Variants in AK8 observed in about 807,000 individuals in gnomAD.
AK8 encodes the protein ATP-AMP transphosphorylase 8.
AK8 carries 44 observed loss-of-function variants against 54.6 expected under a neutral mutation model. The ratio of observed to expected loss-of-function variants is 0.81; its 90% confidence interval spans 0.63 to 1.04. AK8 has a LOEUF of 1.04. Ranked by LOEUF, AK8 falls within the 50% of genes least tolerant of loss-of-function variation. AK8 has a pLI of 0.00. For synonymous variants in AK8, 239 were observed against 245.6 expected, an observed-to-expected ratio of 0.97 and a Z score of 0.25; for missense variants, 555 against 613.6, an observed-to-expected ratio of 0.90 and a Z score of 1.01.
intron 10 of AK8, among the ~76,000 whole-genome samples, chr9:132,809,301 C>A (rs1353615289): frequency 1.3e-5 from 2 of 152,190 alleles, no homozygotes; most frequent in African/African-American, 4.8e-5. Context: ...GGGGATACAG[C>A]AGCATGTCCT....
rs1840588704 is a variant in AK8, at chr9:132,803,942, C to T, written c.979+10696G>A. Among the ~76,000 whole-genome samples the T allele has an allele frequency of 1.3e-5, 2 of 151,886 alleles. No homozygotes were observed. Among genetic ancestry groups the T allele is most frequent in the Admixed American group, 1.3e-4 (2 of 15,240 alleles). On this transcript the variant is annotated intron_variant, in intron 10 of 12. Transcript: ENST00000298545. This position sits in a 1 kb window ranked among gnomAD's most constrained non-coding sequence, Gnocchi z 4.4. ...CCAATATGGTGAAACCCCATCTCTA[C>T]TAAAAATACAAAAATTAGCCGGGCG...
chr9:132,829,818 G>C (rs1440054935), intron 5 of AK8, among the ~76,000 whole-genome samples: 1 of 152,146 alleles, frequency 6.6e-6, no homozygotes, highest in Admixed American at 6.5e-5. Context: ...AGCCTCCCTA[G>C]TGCTGGGATT....
At chr9:132,847,921 G>A (rs1172484486) in intron 5 of AK8, among the ~76,000 whole-genome samples, 1 of 151,900 alleles carries the variant, frequency 6.6e-6, no homozygotes, top group Non-Finnish European at 1.5e-5. Context: ...AGATCAGCCT[G>A]GGCAACATTG....
intron 4 of AK8, among the ~76,000 whole-genome samples, chr9:132,858,760 G>A (rs893153155): frequency 6.6e-6 from 1 of 152,182 alleles, no homozygotes; most frequent in Non-Finnish European, 1.5e-5. Flanking sequence ...GAGTTTGGGA[G>A]GGGGAGACAG....
rs187869761 is a variant in AK8 at position 132,803,511 on chromosome 9, C to T, written c.980-10736G>A. ...AATCATGGTGAGTAATCAGTGATTA[C>T]AACCAGTGACCATAGTAAGTAATTA... On this transcript the variant is annotated intron_variant, in intron 10 of 12. Coordinates refer to ENST00000298545, the MANE Select transcript of AK8 (RefSeq NM_152572.3). This position sits in a 1 kb window ranked among gnomAD's most constrained non-coding sequence, Gnocchi z 4.4. Among the ~76,000 whole-genome samples, 2 of 152,236 alleles carry T rather than the reference C, an allele frequency of 1.3e-5. No individual in the cohort carries two copies. The highest frequency in any genetic ancestry group is 1.3e-4 in the Admixed American group (2 of 15,302).
At chr9:132,842,774 AC>A (rs1171933077) in intron 5 of AK8, among the ~76,000 whole-genome samples, 2 of 152,090 alleles carry the variant, frequency 1.3e-5, no homozygotes, top group Non-Finnish European at 2.9e-5. Flanking sequence ...CTGAGGGAGA[AC>A]CCTCTTCCCA....
intron 11 of AK8, among the ~76,000 whole-genome samples, chr9:132,730,116 C>A (rs998696882): frequency 2.6e-5 from 4 of 152,198 alleles, no homozygotes; most frequent in Admixed American, 1.3e-4. Flanking sequence ...CTATGGGTGC[C>A]AAGCTGACAA....
intron 11 of AK8, among the ~76,000 whole-genome samples, chr9:132,756,580 C>A (rs1163062810): frequency 6.6e-6 from 1 of 152,188 alleles, no homozygotes; most frequent in Non-Finnish European, 1.5e-5. Context: ...CTGCCGGGGG[C>A]CACACTCCGA....
intron 11 of AK8, among the ~76,000 whole-genome samples, chr9:132,778,572 C>T (rs990591148): frequency 1.3e-5 from 2 of 152,180 alleles, no homozygotes; most frequent in African/African-American, 2.4e-5. Context: ...TAAGAAATTA[C>T]AGCATCCTTC....
chr9:132,878,141 A>G lies in AK8; in HGVS notation c.84+31T>C. 1 of 1,535,350 alleles carries G rather than the reference A, an allele frequency of 6.5e-7. No individual in the cohort carries two copies. Among genetic ancestry groups the G allele is most frequent in the South Asian group, 1.2e-5 (1 of 81,018 alleles). ...CAGTGGAGGCTCCCGAGCCGCCGCCAGCGTCGCGACGGGCAGGGGTGTCCG... is the reference window on the plus strand; with the variant it reads ...CAGTGGAGGCTCCCGAGCCGCCGCCGGCGTCGCGACGGGCAGGGGTGTCCG... On this transcript the variant is annotated intron_variant, in intron 1 of 12. Transcript: ENST00000298545. The surrounding 1 kb of genome is among the most constrained non-coding windows in gnomAD (Gnocchi z 4.7).
At chr9:132,856,276 G>A (rs992590458) in intron 4 of AK8, among the ~76,000 whole-genome samples, 4 of 152,160 alleles carry the variant, frequency 2.6e-5, no homozygotes, top group African/African-American at 4.8e-5. Flanking sequence ...GCAGAGACTC[G>A]GACTTGGCAT....
At chr9:132,873,260 G>C (rs1843935672) in intron 2 of AK8, among the ~76,000 whole-genome samples, 1 of 152,240 alleles carries the variant, frequency 6.6e-6, no homozygotes, top group Non-Finnish European at 1.5e-5. Flanking sequence ...ATGCATCAGG[G>C]ATTTCCCATT....
At chr9:132,756,921 C>T (rs911755453) in intron 11 of AK8, among the ~76,000 whole-genome samples, 3 of 152,150 alleles carry the variant, frequency 2.0e-5, no homozygotes, top group Non-Finnish European at 4.4e-5. Flanking sequence ...AACTACTCCA[C>T]AACTAAATGT....
chr9:132,779,837 T>C (rs188647819), intron 11 of AK8, among the ~76,000 whole-genome samples: 37 of 152,164 alleles, frequency 2.4e-4, no homozygotes, highest in East Asian at 1.9e-3. Flanking sequence ...GAGCAAAGAG[T>C]TGGGTTCAGG....
At chr9:132,750,345 C>T (rs1465920962) in intron 11 of AK8, among the ~76,000 whole-genome samples, 1 of 151,922 alleles carries the variant, frequency 6.6e-6, no homozygotes, top group Non-Finnish European at 1.5e-5. Context: ...TGTCCAAATC[C>T]TGACCTCAAG....
intron 10 of AK8, among the ~76,000 whole-genome samples, chr9:132,802,397 A>C (rs1010259540): frequency 1.3e-5 from 2 of 152,216 alleles, no homozygotes; most frequent in Non-Finnish European, 2.9e-5. Flanking sequence ...GAACAGATTC[A>C]GACAGAAGTG....
intron 3 of AK8, among the ~76,000 whole-genome samples, chr9:132,865,422 G>A (rs1228448674): frequency 6.6e-6 from 1 of 152,228 alleles, no homozygotes; most frequent in Non-Finnish European, 1.5e-5. Flanking sequence ...CAGCAATGAT[G>A]TGGTCACAGA....
At chr9:132,849,533 A>G (rs1455970171) in intron 5 of AK8, among the ~76,000 whole-genome samples, 1 of 152,190 alleles carries the variant, frequency 6.6e-6, no homozygotes, top group Non-Finnish European at 1.5e-5. Context: ...GGCTCTGGAT[A>G]TCTGCCCACA....
intron 5 of AK8, among the ~76,000 whole-genome samples, chr9:132,838,969 A>G (rs1842431082): frequency 6.6e-6 from 1 of 152,098 alleles, no homozygotes; most frequent in African/African-American, 2.4e-5. Context: ...GTTGAGACCG[A>G]GTCTCCAACT....
Sources: allele counts gnomAD v4.1 joint callset (sites outside exome capture counted in the v4.1 genomes callset), GRCh38; gene constraint gnomAD v4.1.1; non-coding constraint Gnocchi (gnomAD v3.1); transcripts MANE v1.5; gene names NCBI Gene and HGNC (gene_info 2026-07-23, HGNC 2026-07-21).